The following ASTN2 variants were observed in gnomAD, a reference collection of about 807,000 sequenced individuals.
ASTN2 encodes astrotactin 2.
A neutral mutation model predicts 139.8 loss-of-function variants in ASTN2; 54 were observed. The observed-to-expected ratio is 0.39, with a 90% CI of 0.31 to 0.48. The LOEUF (loss-of-function observed/expected upper bound fraction) is 0.48, where lower values mean the gene tolerates loss of function less well. ASTN2 is among the 20% of genes least tolerant of loss of function. ASTN2 has a pLI of 0.95. For missense variants in ASTN2, 1,565 were observed against 1,725.1 expected (o/e 0.91, Z 1.64); for synonymous variants, 756 against 719.5 (o/e 1.05, Z -0.81).
At chr9:117,312,401 C>T (rs773403241) in intron 1 of ASTN2, among the ~76,000 whole-genome samples, 11 of 152,140 alleles carry the variant, frequency 7.2e-5, no homozygotes, top group Non-Finnish European at 2.9e-5. Flanking sequence ...GCTTCAGGCT[C>T]AAATCCCAGG....
intron 20 of ASTN2, among the ~76,000 whole-genome samples, chr9:116,477,181 C>G (rs929930251): frequency 6.6e-6 from 1 of 152,146 alleles, no homozygotes; most frequent in African/African-American, 2.4e-5. Flanking sequence ...GTTTTAGGAG[C>G]CTCACTGTCT....
chr9:117,208,618 A>C (rs1832016428), intron 3 of ASTN2, among the ~76,000 whole-genome samples: 1 of 152,228 alleles, frequency 6.6e-6, no homozygotes, highest in African/African-American at 2.4e-5. Context: ...CTTGGGAGAG[A>C]GATGGACATC....
intron 1 of ASTN2, among the ~76,000 whole-genome samples, chr9:117,346,863 G>A (rs956356501): frequency 3.3e-5 from 5 of 152,014 alleles, no homozygotes; most frequent in African/African-American, 1.2e-4. Flanking sequence ...GCAAAATGGG[G>A]GCCCTAATAC....
chr9:116,815,804 C>CAA lies in ASTN2; in HGVS notation c.2207+4811_2207+4812dup, dbSNP rs55954354. ...TGGGCAACAGAGCGAGACTCCGTCTCAAAAAAAAAAAAAAAAAAAAAAAAG... is the reference window on the plus strand; with the variant it reads ...TGGGCAACAGAGCGAGACTCCGTCTCAAAAAAAAAAAAAAAAAAAAAAAAAAG... On this transcript the variant is annotated intron_variant, in intron 12 of 22. Transcript: ENST00000313400. Among the ~76,000 whole-genome samples, 53 of 24,060 alleles carry CAA rather than the reference C, an allele frequency of 2.2e-3. 7 individuals are homozygous for CAA. The highest frequency in any genetic ancestry group is 5.8e-3 in the African/African-American group (32 of 5,472). 15.8% of individuals were successfully genotyped at this position (24,060 alleles called of 152,430 possible).
chr9:117,248,619 GT>G (rs1409562304), intron 2 of ASTN2, among the ~76,000 whole-genome samples: 1 of 152,178 alleles, frequency 6.6e-6, no homozygotes. Flanking sequence ...CCGCAATACT[GT>G]TGGACAATGA....
At chr9:116,928,934 G>A (rs972142731) in intron 10 of ASTN2, among the ~76,000 whole-genome samples, 31 of 152,182 alleles carry the variant, frequency 2.0e-4, no homozygotes, top group African/African-American at 7.2e-4. Flanking sequence ...GAAGCACAGA[G>A]AGGTGAAAAA....
At chr9:116,538,336 A>G (rs2119335271) in intron 19 of ASTN2, among the ~76,000 whole-genome samples, 1 of 152,226 alleles carries the variant, frequency 6.6e-6, no homozygotes, top group East Asian at 1.9e-4. Flanking sequence ...AAGCAAGGAA[A>G]GAAGCGAGGA....
intron 13 of ASTN2, among the ~76,000 whole-genome samples, chr9:116,777,389 AT>A (rs1830110936): frequency 6.6e-6 from 1 of 152,134 alleles, no homozygotes; most frequent in Non-Finnish European, 1.5e-5. Context: ...AATTTTGCTT[AT>A]AAGGAACTGA....
chr9:117,395,755 A>G (rs1169353053), intron 1 of ASTN2, among the ~76,000 whole-genome samples: 2 of 152,188 alleles, frequency 1.3e-5, no homozygotes, highest in Non-Finnish European at 2.9e-5. Context: ...GTTACACAGA[A>G]CCCCCATGAA....
intron 4 of ASTN2, among the ~76,000 whole-genome samples, chr9:117,128,200 C>T (rs551607484): frequency 1.3e-5 from 2 of 151,532 alleles, no homozygotes; most frequent in African/African-American, 4.9e-5. Context: ...ATGGTGAAAC[C>T]CTGTCTCTAC....
chr9:116,525,873 C>A (rs904743453), intron 19 of ASTN2, among the ~76,000 whole-genome samples: 2 of 152,198 alleles, frequency 1.3e-5, no homozygotes, highest in Non-Finnish European at 2.9e-5. Context: ...TCCAGACCCA[C>A]TCTCTCCACA....
At chr9:116,539,549 G>A (rs1036946068) in intron 19 of ASTN2, among the ~76,000 whole-genome samples, 2 of 152,168 alleles carry the variant, frequency 1.3e-5, no homozygotes, top group African/African-American at 4.8e-5. Flanking sequence ...TATAGCACAA[G>A]AACGATGCAC....
At chr9:116,977,002 C>T (rs367783279) in intron 7 of ASTN2, among the ~76,000 whole-genome samples, 15 of 152,248 alleles carry the variant, frequency 9.9e-5, no homozygotes, top group East Asian at 7.7e-4. Context: ...TGGCCACACT[C>T]GTACAGGTGC....
intron 1 of ASTN2, among the ~76,000 whole-genome samples, chr9:117,368,033 C>T (rs1564169547): frequency 6.6e-6 from 1 of 152,042 alleles, no homozygotes; most frequent in East Asian, 1.9e-4. Flanking sequence ...AATCCCAGGT[C>T]CCAGCCTGAC....
At chr9:117,044,793 A>G (rs1470097705) in intron 5 of ASTN2, among the ~76,000 whole-genome samples, 1 of 152,228 alleles carries the variant, frequency 6.6e-6, no homozygotes, top group Non-Finnish European at 1.5e-5. Context: ...TGGTCTGGGC[A>G]TGGGGAAAAT....
intron 2 of ASTN2, 78 bp from the exon 3 acceptor site, chr9:117,214,820 T>C: frequency 7.4e-7 from 1 of 1,353,494 alleles, no homozygotes. Flanking sequence ...TCCTGTCCAC[T>C]ACACTCTGCC....
At chr9:116,681,702 G>C (rs1859878447) in intron 16 of ASTN2, among the ~76,000 whole-genome samples, 1 of 152,118 alleles carries the variant, frequency 6.6e-6, no homozygotes, top group African/African-American at 2.4e-5. Flanking sequence ...ACAGAACAGA[G>C]CCCTCAGAAA....
At chr9:117,113,848 TC>T (rs1306484660) in intron 4 of ASTN2, among the ~76,000 whole-genome samples, 6 of 152,122 alleles carry the variant, frequency 3.9e-5, no homozygotes, top group Non-Finnish European at 8.8e-5. Context: ...TCTGTGGTTG[TC>T]TGATATTGTA....
chr9:117,131,273 C>T (rs771424043), intron 4 of ASTN2, among the ~76,000 whole-genome samples: 1 of 152,030 alleles, frequency 6.6e-6, no homozygotes. Flanking sequence ...TCTCATTATA[C>T]CCCTCTTCTT....
Sources: gnomAD v4.1 joint callset for allele counts (sites outside exome capture counted in the v4.1 genomes callset) on GRCh38, gnomAD v4.1.1 for gene constraint, MANE v1.5 for transcripts, NCBI Gene and HGNC (gene_info 2026-07-23, HGNC 2026-07-21) for gene names.